Variants in ARHGAP45 observed in about 807,000 individuals in gnomAD.
ARHGAP45 encodes rho GTPase-activating protein 45.
ARHGAP45 carries 56 observed loss-of-function variants against 116.1 expected under a neutral mutation model. The ratio of observed to expected loss-of-function variants is 0.48; its 90% confidence interval spans 0.39 to 0.60. ARHGAP45 has a LOEUF of 0.60. Ranked by LOEUF, ARHGAP45 falls within the 20% of genes least tolerant of loss-of-function variation. ARHGAP45 has a pLI of 0.00. For synonymous variants in ARHGAP45, 866 were observed against 701.7 expected (o/e 1.23, Z -3.70); for missense variants, 1,622 against 1,601.0 (o/e 1.01, Z -0.22).
Position 1,081,558 on chromosome 19 carries a change from G to A in ARHGAP45, c.2199G>A (p.Leu733=). The A allele has an allele frequency of 6.8e-7, 1 of 1,477,156 alleles. No individual in the cohort carries two copies. The highest frequency in any genetic ancestry group is 9.0e-7 in the Non-Finnish European group (1 of 1,110,912). The allele number at this position is 1,477,156 out of a possible 1,614,324, so 91.5% of individuals were successfully genotyped here. The change falls in exon 18 of 23, where the codon CTG becomes CTA. Residue 733 remains leucine (L), a synonymous_variant. Coordinates refer to ENST00000313093, the MANE Select transcript of ARHGAP45 (RefSeq NM_012292.5). ...FQGAECEECC[L]ACHKKCLETL... is the part of the protein sequence containing the mutation. ...ACTCTGGCCGCCCCCAGTGCTGCCTGGCCTGCCACAAGAAATGTCTGGAGA... is the reference window on the plus strand; with the variant it reads ...ACTCTGGCCGCCCCCAGTGCTGCCTAGCCTGCCACAAGAAATGTCTGGAGA...
At chr19:1,079,043 A>G (rs929430927) in intron 11 of ARHGAP45, among the ~76,000 whole-genome samples, 46 of 151,006 alleles carry the variant, frequency 3.0e-4, no homozygotes, top group Non-Finnish European at 5.5e-4. Context: ...AGCTGGGCGT[A>G]GTGGTGGGCG....
chr19:1,079,886 C>A (rs748300889), intron 12 of ARHGAP45, 42 bp from the exon 13 acceptor site: 3 of 1,591,660 alleles, frequency 1.9e-6, no homozygotes, highest in African/African-American at 1.3e-5. Context: ...GTGGACCGGG[C>A]GGCCTCCTCC....
At chr19:1,078,406 G>A (rs575497083) in intron 11 of ARHGAP45, among the ~76,000 whole-genome samples, 1 of 151,760 alleles carries the variant, frequency 6.6e-6, no homozygotes, top group East Asian at 2.0e-4. Flanking sequence ...GCCTCCCAAA[G>A]TGCTGGGATT....
intron 8 of ARHGAP45, 69 bp downstream of exon 8, chr19:1,074,476 G>A: frequency 7.0e-7 from 1 of 1,430,434 alleles, no homozygotes. Context: ...CATTTCAAGG[G>A]CCCAGGGACC....
At chr19:1,083,566 G>A (rs2043511273) in intron 21 of ARHGAP45, among the ~76,000 whole-genome samples, 1 of 152,192 alleles carries the variant, frequency 6.6e-6, no homozygotes, top group African/African-American at 2.4e-5. Context: ...CAAAGGCTCT[G>A]CGGCCGCCCC....
At chr19:1,078,665 T>G (rs2043338198) in intron 11 of ARHGAP45, among the ~76,000 whole-genome samples, 1 of 150,742 alleles carries the variant, frequency 6.6e-6, no homozygotes, top group South Asian at 2.1e-4. Flanking sequence ...CACTTCGGCC[T>G]CCCAAAGTGC....
chr19:1,084,439 G>T (rs1281284338), intron 22 of ARHGAP45, 93 bp downstream of exon 22: 9 of 941,696 alleles, frequency 9.6e-6, no homozygotes, highest in East Asian at 2.5e-5. Flanking sequence ...ACACGTGGCA[G>T]GGTCCACGGT....
rs751806675 is a variant in ARHGAP45 at position 1,080,129 on chromosome 19, C to G, written c.1703+11C>G. The G allele has an allele frequency of 4.3e-6, 7 of 1,610,814 alleles. No individual in the cohort carries two copies. The African/African-American group carries it at 8.0e-5, about 18-fold the overall frequency. ...CTCCGCCAACGCCTGGTACCGCCACCCAGCTGCCCTGTCCCCGGCGCACAA... is the reference window on the plus strand; with the variant it reads ...CTCCGCCAACGCCTGGTACCGCCACGCAGCTGCCCTGTCCCCGGCGCACAA... On this transcript the variant is annotated intron_variant, in intron 13 of 22. Transcript: ENST00000313093.
Position 1,074,010 on chromosome 19 carries a change from C to G in ARHGAP45, c.786C>G (p.Asp262Glu), listed in dbSNP as rs201073885. ...CGCCTCCCAGCCTGGAAGACTGTGA[C>G]GCCGGTAAGCCCCCACCCAGCGGCA... Reference protein sequence around the residue: ...EGTPPSLEDCDAGCLPAEEVD... With the variant: ...EGTPPSLEDCEAGCLPAEEVD... Residue 262 changes from aspartate to glutamate, a missense_variant, in exon 6 of 23, where the codon GAC becomes GAG. This residue lies in a region of ARHGAP45 where 1,334 missense variants were observed against 1,263.8 expected (regional missense o/e 1.06). Coordinates refer to ENST00000313093, the MANE Select transcript of ARHGAP45 (RefSeq NM_012292.5). The G allele has an allele frequency of 3.4e-4, 545 of 1,596,012 alleles. No individual in the cohort carries two copies. Among genetic ancestry groups the G allele is most frequent in the Non-Finnish European group, 9.3e-5 (109 of 1,172,148 alleles).
In ARHGAP45 at chr19:1,069,077, G is replaced by T. The variant is rs1337540921; in HGVS notation, c.421+333G>T. On this transcript the variant is annotated intron_variant, in intron 2 of 22. Transcript: ENST00000313093. The surrounding 1 kb of genome is among the most constrained non-coding windows in gnomAD (Gnocchi z 4.1). Reference sequence around the variant, plus strand: ...TTTGGGGGCCAAGGTGTGGGGTGCCGCTGGTGTAGGATGAAGGCATGACAA... The same window carrying T: ...TTTGGGGGCCAAGGTGTGGGGTGCCTCTGGTGTAGGATGAAGGCATGACAA... Among the ~76,000 whole-genome samples, 1 of 152,142 alleles carries T rather than the reference G, an allele frequency of 6.6e-6. No individual in the cohort carries two copies. Among genetic ancestry groups the T allele is most frequent in the Non-Finnish European group, 1.5e-5 (1 of 68,036 alleles).
chr19:1,065,965 G>T (rs28758984), upstream of ARHGAP45: 11,355 of 1,514,830 alleles, frequency 7.5e-3, 686 homozygotes, highest in African/African-American at 0.13. Flanking sequence ...GGCCAGGGCC[G>T]GGCCAGAAGC....
chr19:1,068,002 T>G lies in ARHGAP45; in HGVS notation c.91-412T>G, dbSNP rs2043071083. On this transcript the variant is annotated intron_variant, in intron 1 of 22. Coordinates refer to ENST00000313093, the MANE Select transcript of ARHGAP45 (RefSeq NM_012292.5). The surrounding 1 kb of genome is among the most constrained non-coding windows in gnomAD (Gnocchi z 7.5). ...GGGGGTCCGGGATGTCTACAAGGCC[T>G]GGGGCTGCCCATAGGCTCTGGGGTT... is the stretch of plus-strand genomic sequence containing the variant. Among the ~76,000 whole-genome samples the G allele has an allele frequency of 6.6e-6, 1 of 150,890 alleles. No individual in the cohort carries two copies. The highest frequency in any genetic ancestry group is 1.5e-5 in the Non-Finnish European group (1 of 67,684).
intron 10 of ARHGAP45, chr19:1,077,113 T>C: frequency 1.0e-6 from 1 of 985,222 alleles, no homozygotes; most frequent in Non-Finnish European, 1.2e-6. Context: ...AGCCCACAGG[T>C]TTTTGACTAA....
At chr19:1,077,128 T>TCTTCCTGCCAACCTGTGGGCGCCTGG (rs2145047983) in intron 10 of ARHGAP45, 2 of 985,334 alleles carry the variant, frequency 2.0e-6, no homozygotes, top group Admixed American at 6.1e-5. Flanking sequence ...GACTAAGTGC[T>TCTTCCTGCCAACCTGTGGGCGCCTGG]CTTCCTGCCA....
At chr19:1,081,802 C>T (rs758676716) in intron 18 of ARHGAP45, 22 bp from the exon 19 acceptor site, 7 of 1,592,748 alleles carry the variant, frequency 4.4e-6, no homozygotes, top group African/African-American at 2.7e-5. Context: ...TGATGGGCCT[C>T]CCCACCCCCG....
At position 1,079,967 on chromosome 19, in the gene ARHGAP45, GCGC is replaced by G; in HGVS notation, c.1556_1558del (p.Pro519del). On this transcript the variant is annotated inframe_deletion, in exon 13 of 23. Coordinates refer to ENST00000313093, the MANE Select transcript of ARHGAP45 (RefSeq NM_012292.5). The stretch of plus-strand genomic sequence containing the variant: ...CTACCAGATGATGCATATGCAGACG[GCGC>G]CGCTGCCCGTGCACTTCCAGATGCT... 1 of 1,612,640 alleles carries G rather than the reference GCGC, an allele frequency of 6.2e-7. No homozygotes were observed. The highest frequency in any genetic ancestry group is 8.5e-7 in the Non-Finnish European group (1 of 1,179,680).
intron 22 of ARHGAP45, 93 bp from the exon 23 acceptor site, chr19:1,085,567 C>CA (rs1568490010): frequency 1.8e-5 from 17 of 939,954 alleles, no homozygotes; most frequent in Non-Finnish European, 2.2e-5. Flanking sequence ...CCCCCCTCTC[C>CA]TGTCTCTCCC....
chr19:1,076,481 G>GTTTTTTTTTTTTTTTTTTTTTTTT lies in ARHGAP45; in HGVS notation c.1186-1375_1186-1374insTTTTTTTTTTTTTTTTTTTTTTTT, dbSNP rs1568464614. On this transcript the variant is annotated intron_variant, in intron 10 of 22. Coordinates refer to ENST00000313093, the MANE Select transcript of ARHGAP45 (RefSeq NM_012292.5). ...TAGAAACCTGTGATTGTTGGCAGTA[G>GTTTTTTTTTTTTTTTTTTTTTTTT]TCTTTTTTTTTTTTTTTTTTTTTTT... 9.6e-5 allele frequency among the ~76,000 whole-genome samples: 10 copies of GTTTTTTTTTTTTTTTTTTTTTTTT among 104,170 alleles called. 1 individual carries two copies. Among genetic ancestry groups the GTTTTTTTTTTTTTTTTTTTTTTTT allele is most frequent in the African/African-American group, 3.6e-4 (9 of 25,344 alleles). The allele number at this position is 104,170 out of a possible 152,430, so 68.3% of individuals were successfully genotyped here. A position where few individuals can be genotyped will look rare whatever the true frequency, so the allele number is the denominator to read the frequency against.
rs750123725 is a variant in ARHGAP45 at position 1,068,283 on chromosome 19, C to A, written c.91-131C>A. 6 of 731,386 alleles carry A rather than the reference C, an allele frequency of 8.2e-6. No homozygotes were observed. The Admixed American group carries it at 1.8e-4, about 22-fold the overall frequency. The allele number at this position is 731,386 out of a possible 1,614,324, so 45.3% of individuals were successfully genotyped here. On this transcript the variant is annotated intron_variant, in intron 1 of 22. Transcript: ENST00000313093. The surrounding 1 kb of genome is among the most constrained non-coding windows in gnomAD (Gnocchi z 7.5). ...ACACTACCAAATCTCGGCCCTGTGA[C>A]CTCTGGCCTTTGACCCCTGTGGGGT...
Sources: allele counts gnomAD v4.1 joint callset (sites outside exome capture counted in the v4.1 genomes callset), GRCh38; gene constraint gnomAD v4.1.1; regional missense constraint gnomAD v4.1.1; non-coding constraint Gnocchi (gnomAD v3.1); transcripts MANE v1.5; gene names NCBI Gene and HGNC (gene_info 2026-07-23, HGNC 2026-07-21).